Variants in GPSM1 observed in about 807,000 individuals in gnomAD.
GPSM1 encodes G protein signaling modulator 1, also known as G protein-signaling modulator 1.
A neutral mutation model predicts 70.5 loss-of-function variants in GPSM1; 48 were observed. The observed-to-expected ratio is 0.68, with a 90% CI of 0.54 to 0.87. The LOEUF (loss-of-function observed/expected upper bound fraction) is 0.87, where lower values mean the gene tolerates loss of function less well. Among genes scored for constraint, GPSM1 ranks in the 40% least tolerant of loss-of-function variants. The pLI, the probability that GPSM1 is intolerant of heterozygous loss-of-function variation, is 0.00. For synonymous variants in GPSM1, 416 were observed against 430.1 expected (o/e 0.97, Z 0.41); for missense variants, 981 against 972.6 (o/e 1.01, Z -0.11).
In GPSM1 at chr9:136,356,520, C is replaced by T. The variant is rs782204453; in HGVS notation, c.1791C>T (p.Asp597=). The change falls in exon 13 of 14, where the codon GAC becomes GAT. Residue 597 remains aspartate, a synonymous_variant. Transcript: ENST00000440944. ...RGHGEPQEPG[D]DFFNMLIKYQ... is the part of the protein sequence containing the mutation. ...ACGGCGAGCCCCAGGAGCCGGGGGA[C>T]GACTTCTTCAACATGCTCATCAAGT... The T allele has an allele frequency of 2.0e-5, 32 of 1,611,488 alleles. No individual in the cohort carries two copies. Among genetic ancestry groups the T allele is most frequent in the East Asian group, 6.7e-5 (3 of 44,854 alleles).
In GPSM1 at chr9:136,338,343, A is replaced by G. The variant is rs147500476; in HGVS notation, c.819-212A>G. On this transcript the variant is annotated intron_variant, in intron 6 of 13. Coordinates refer to ENST00000440944, the MANE Select transcript of GPSM1 (RefSeq NM_001145638.3). ...TGGTGGCGGCTCAGGGTGGTCAGGC[A>G]ACTTGCCAGAGCCTGGCAGGACCCC... 7.4e-3 allele frequency among the ~76,000 whole-genome samples: 1,123 copies of G among 152,314 alleles called. 14 individuals carry two copies. The highest frequency in any genetic ancestry group is 0.026 in the African/African-American group (1,094 of 41,566).
chr9:136,349,889 C>A lies in GPSM1; in HGVS notation c.1455+126C>A, dbSNP rs1455303718. 8.2e-6 allele frequency: 7 copies of A among 849,494 alleles called. No homozygotes were observed. In the East Asian group the frequency reaches 1.9e-4, roughly 23 times the overall value. The allele number at this position is 849,494 out of a possible 1,614,324, so 52.6% of individuals were successfully genotyped here. On this transcript the variant is annotated intron_variant, in intron 11 of 13. Transcript: ENST00000440944. ...ACTCCGGGGAGGCAGGGGTCCCTCC[C>A]CGGTGCACCTGGTGCAGTGCTGTCC...
chr9:136,327,692 AC>A lies in GPSM1; in HGVS notation c.-1del, dbSNP rs1832002620. ...CCCGGCTCCCGCTCCCGCGTCCCCG[AC>A]CCATGGCGGGCCCGGCCCCGCCCGC... On this transcript the variant is annotated 5_prime_UTR_variant, in exon 1 of 14. Coordinates refer to ENST00000440944, the MANE Select transcript of GPSM1 (RefSeq NM_001145638.3). The A allele has an allele frequency of 1.5e-5, 17 of 1,120,698 alleles. No homozygotes were observed. Among genetic ancestry groups the A allele is most frequent in the Non-Finnish European group, 1.7e-5 (16 of 916,104 alleles). The allele number at this position is 1,120,698 out of a possible 1,614,324, so 69.4% of individuals were successfully genotyped here. A position where few individuals can be genotyped will look rare whatever the true frequency, so the allele number is the denominator to read the frequency against.
Position 136,327,765 on chromosome 9 carries a change from T to A in GPSM1, c.68+2T>A. 1 of 1,157,054 alleles carries A rather than the reference T, an allele frequency of 8.6e-7. No individual in the cohort carries two copies. Among genetic ancestry groups the A allele is most frequent in the Non-Finnish European group, 1.1e-6 (1 of 934,962 alleles). 71.7% of individuals were successfully genotyped at this position (1,157,054 alleles called of 1,614,324 possible). On this transcript the variant is annotated splice_donor_variant, in intron 1 of 13. Coordinates refer to ENST00000440944, the MANE Select transcript of GPSM1 (RefSeq NM_001145638.3). LOFTEE classifies it high-confidence loss of function. ...GGCCGCCAGGCGCCTCTACTCCAGG[T>A]AGGACGGGCCGGGGCCGGGGCCGGG...
At chr9:136,344,233 G>A (rs538565450) in intron 9 of GPSM1, among the ~76,000 whole-genome samples, 10 of 149,352 alleles carry the variant, frequency 6.7e-5, no homozygotes, top group East Asian at 4.0e-4. Flanking sequence ...GGACAGAAGC[G>A]GGGTGGGGCG....
rs1349681055 is a variant in GPSM1 at position 136,340,542 on chromosome 9, C to T, written c.1084-328C>T. ...CCCCACAGAGCCTCGGCGCACAAGG[C>T]AGGGGCTGAGAGAGGTGCAGCCGGG... is the stretch of plus-strand genomic sequence containing the variant. On this transcript the variant is annotated intron_variant, in intron 8 of 13. Coordinates refer to ENST00000440944, the MANE Select transcript of GPSM1 (RefSeq NM_001145638.3). The surrounding 1 kb of genome is among the most constrained non-coding windows in gnomAD (Gnocchi z 7.3). 6.6e-6 allele frequency among the ~76,000 whole-genome samples: 1 copy of T among 152,012 alleles called. No individual in the cohort carries two copies. The highest frequency in any genetic ancestry group is 1.5e-5 in the Non-Finnish European group (1 of 67,982).
chr9:136,341,690 G>A lies in GPSM1; in HGVS notation c.1207+697G>A. Reference sequence around the variant, plus strand: ...AAAGGTCTTGAGTTTGCCAGCCCCCGAGAAGGGATGCCTGCCTCCCAGAAC... The same window carrying A: ...AAAGGTCTTGAGTTTGCCAGCCCCCAAGAAGGGATGCCTGCCTCCCAGAAC... On this transcript the variant is annotated intron_variant, in intron 9 of 13. Coordinates refer to ENST00000440944, the MANE Select transcript of GPSM1 (RefSeq NM_001145638.3). The surrounding 1 kb of genome is among the most constrained non-coding windows in gnomAD (Gnocchi z 6.7). 1.0e-6 allele frequency: 1 copy of A among 992,712 alleles called. No homozygotes were observed. Among genetic ancestry groups the A allele is most frequent in the Non-Finnish European group, 1.2e-6 (1 of 833,842 alleles). The allele number at this position is 992,712 out of a possible 1,614,324, so 61.5% of individuals were successfully genotyped here.
chr9:136,336,578 A>AC (rs1288380525), intron 3 of GPSM1, among the ~76,000 whole-genome samples: 5 of 151,228 alleles, frequency 3.3e-5, no homozygotes, highest in East Asian at 3.9e-4. Flanking sequence ...GACGTGACTT[A>AC]CCCCCCGTCA....
chr9:136,340,904 T>C lies in GPSM1; in HGVS notation c.1118T>C (p.Met373Thr). ...GDRHGELTARMNVAQLQLVLG... is the reference protein window; with the variant it reads ...GDRHGELTARTNVAQLQLVLG... ...CGCCATGGGGAGCTCACGGCCCGCATGAACGTGGCGCAGCTGCAGCTGGTG... is the reference window on the plus strand; with the variant it reads ...CGCCATGGGGAGCTCACGGCCCGCACGAACGTGGCGCAGCTGCAGCTGGTG... Residue 373 changes from methionine to threonine, a missense_variant, in exon 9 of 14, where the codon ATG becomes ACG. By Grantham distance (81) the Met-to-Thr change is moderately conservative. Transcript: ENST00000440944. This position sits in a 1 kb window ranked among gnomAD's most constrained non-coding sequence, Gnocchi z 7.3. 3 of 1,576,156 alleles carry C rather than the reference T, an allele frequency of 1.9e-6. No individual in the cohort carries two copies. Among genetic ancestry groups the C allele is most frequent in the Non-Finnish European group, 2.6e-6 (3 of 1,162,510 alleles).
In GPSM1 at chr9:136,348,777, G is replaced by A. The variant is rs1554771642; in HGVS notation, c.1278+10G>A. The A allele has an allele frequency of 1.9e-6, 3 of 1,604,100 alleles. No homozygotes were observed. Among genetic ancestry groups the A allele is most frequent in the Non-Finnish European group, 2.6e-6 (3 of 1,172,746 alleles). On this transcript the variant is annotated intron_variant, in intron 10 of 13. Transcript: ENST00000440944. ...ACTCCCCCTGGAGCGGGTGAGCCAG[G>A]GACACGGGACCGATGTCAGCACAGC...
intron 11 of GPSM1, among the ~76,000 whole-genome samples, chr9:136,353,315 G>A (rs1832722074): frequency 2.0e-5 from 3 of 152,226 alleles, no homozygotes; most frequent in Non-Finnish European, 2.9e-5. Flanking sequence ...CAGACTGCAG[G>A]AGGGACTCTG....
Position 136,355,690 on chromosome 9 carries a change from A to G in GPSM1, c.1456A>G (p.Ser486Gly). 1 of 1,611,842 alleles carries G rather than the reference A, an allele frequency of 6.2e-7. No homozygotes were observed. The highest frequency in any genetic ancestry group is 8.5e-7 in the Non-Finnish European group (1 of 1,179,322). Residue 486 changes from serine to glycine, a missense_variant and splice_region_variant, in exon 12 of 14, where the codon AGC (serine) becomes GGC (glycine). Physicochemically the swap from Ser to Gly is moderately conservative, Grantham distance 56. Transcript: ENST00000440944. ...TGCGGTGACCCCACTCCCTCCCCAG[A>G]GCATCCCGAGGGCCCCGTCTTCGGA... ...ADVRVHVPRT[S>G]IPRAPSSDEE...
Position 136,341,000 on chromosome 9 carries a change from T to G in GPSM1, c.1207+7T>G. On this transcript the variant is annotated splice_region_variant and intron_variant, in intron 9 of 13. Coordinates refer to ENST00000440944, the MANE Select transcript of GPSM1 (RefSeq NM_001145638.3). The surrounding 1 kb of genome is among the most constrained non-coding windows in gnomAD (Gnocchi z 7.3). ...GCCGGCTATGAGGCCCAGGGTGAGT[T>G]CCAGGGTTGTGGGGGGGTCTTGCTC... is the stretch of plus-strand genomic sequence containing the variant. 1.9e-6 allele frequency: 3 copies of G among 1,566,274 alleles called. No homozygotes were observed. Among genetic ancestry groups the G allele is most frequent in the Non-Finnish European group, 2.6e-6 (3 of 1,156,014 alleles).
rs1832309304 is a variant in GPSM1, at chr9:136,338,607, G to GC, written c.873dup (p.Cys292LeufsTer104). 6.2e-7 allele frequency: 1 copy of GC among 1,610,476 alleles called. No individual in the cohort carries two copies. Reference sequence around the variant, plus strand: ...CAGGGACCAGGCAGTGGAGGCGCAGGCCTGCTACAGTCTGGGCAACACCTA... The same window carrying GC: ...CAGGGACCAGGCAGTGGAGGCGCAGGCCCTGCTACAGTCTGGGCAACACCTA... On this transcript the variant is annotated frameshift_variant, in exon 7 of 14. Coordinates refer to ENST00000440944, the MANE Select transcript of GPSM1 (RefSeq NM_001145638.3). LOFTEE classifies it high-confidence loss of function.
intron 1 of GPSM1, among the ~76,000 whole-genome samples, chr9:136,329,210 G>A (rs1832047100): frequency 6.6e-6 from 1 of 152,188 alleles, no homozygotes; most frequent in South Asian, 2.1e-4. Flanking sequence ...CCCTAAGCAG[G>A]GAGTCCAGTT....
rs550322199 is a variant in GPSM1 at position 136,337,016 on chromosome 9, C to A, written c.522C>A (p.Pro174=). 1 of 1,552,112 alleles carries A rather than the reference C, an allele frequency of 6.4e-7. No individual in the cohort carries two copies. The highest frequency in any genetic ancestry group is 8.7e-7 in the Non-Finnish European group (1 of 1,148,014). ...SWNAANATQD[P]GHLPPDVRET... is the part of the protein sequence containing the mutation. ...ACGCCGCAAACGCCACGCAGGACCC[C>A]GGGCACCTGCCGCCCGATGTCCGAG... Residue 174 remains proline, a synonymous_variant, in exon 4 of 14, where the codon CCC becomes CCA. Coordinates refer to ENST00000440944, the MANE Select transcript of GPSM1 (RefSeq NM_001145638.3).
Position 136,339,689 on chromosome 9 carries a change from G to C in GPSM1, c.975-18G>C. Reference sequence around the variant, plus strand: ...GCCTGGAGAGGGCGGGTATGAATCTGGTCTCCCTCTCTGGCAGAGTGGGCG... The same window carrying C: ...GCCTGGAGAGGGCGGGTATGAATCTCGTCTCCCTCTCTGGCAGAGTGGGCG... On this transcript the variant is annotated intron_variant, in intron 7 of 13. Transcript: ENST00000440944. 6.6e-7 allele frequency: 1 copy of C among 1,510,052 alleles called. No individual in the cohort carries two copies. The highest frequency in any genetic ancestry group is 1.4e-5 in the African/African-American group (1 of 72,428). 93.5% of individuals were successfully genotyped at this position (1,510,052 alleles called of 1,614,324 possible).
At chr9:136,346,762 C>T (rs1214815029) in intron 9 of GPSM1, among the ~76,000 whole-genome samples, 1 of 152,220 alleles carries the variant, frequency 6.6e-6, no homozygotes, top group African/African-American at 2.4e-5. Flanking sequence ...AATCAGGGCC[C>T]TGCTGAGGCT....
At chr9:136,334,222 G>C (rs1254181111) in intron 1 of GPSM1, among the ~76,000 whole-genome samples, 4 of 152,232 alleles carry the variant, frequency 2.6e-5, no homozygotes, top group African/African-American at 7.2e-5. Context: ...GGCCGCACAA[G>C]GGGTGGACAG....
Sources: gnomAD v4.1 joint callset for allele counts (sites outside exome capture counted in the v4.1 genomes callset) on GRCh38, gnomAD v4.1.1 for gene constraint, Gnocchi (gnomAD v3.1) non-coding constraint, MANE v1.5 for transcripts, NCBI Gene and HGNC (gene_info 2026-07-23, HGNC 2026-07-21) for gene names.